The following MAP2 variants were observed in gnomAD, a reference collection of about 807,000 sequenced individuals.
MAP2 encodes microtubule associated protein 2.
A neutral mutation model predicts 137.6 loss-of-function variants in MAP2; 14 were observed. That is an observed-to-expected ratio of 0.10 (90% CI 0.07 to 0.16). The LOEUF is 0.16. MAP2 is among the 10% of genes least tolerant of loss of function. The probability of loss-of-function intolerance (pLI) is 1.00; values close to 1 mark genes in which losing one functional copy is unlikely to be tolerated. For missense variants in MAP2, 2,088 were observed against 2,191.5 expected (o/e 0.95, Z 0.94); for synonymous variants, 786 against 782.3 (o/e 1.00, Z -0.08).
Position 209,428,129 on chromosome 2 carries a change from A to C in MAP2, c.-222+3853A>C, listed in dbSNP as rs1294099560. 2.0e-5 allele frequency among the ~76,000 whole-genome samples: 3 copies of C among 152,208 alleles called. No individual in the cohort carries two copies. The East Asian group carries it at 5.8e-4, about 29-fold the overall frequency. On this transcript the variant is annotated intron_variant, in intron 1 of 15. Transcript: ENST00000682079. ...AAAATGATGTGAACACAATTAGATG[A>C]ATTTTTATGAAAAACACTTTGAATC...
At chr2:209,454,325 T>C (rs1701028091) in intron 1 of MAP2, among the ~76,000 whole-genome samples, 1 of 152,098 alleles carries the variant, frequency 6.6e-6, no homozygotes, top group Non-Finnish European at 1.5e-5. Context: ...CATCAATATA[T>C]TCACTGAATA....
At chr2:209,471,274 C>CAGGT (rs1355569750) in intron 1 of MAP2, among the ~76,000 whole-genome samples, 1 of 152,150 alleles carries the variant, frequency 6.6e-6, no homozygotes, top group Non-Finnish European at 1.5e-5. Context: ...CAAACTCCTT[C>CAGGT]AGGTTCTTTT....
intron 2 of MAP2, among the ~76,000 whole-genome samples, chr2:209,530,360 TTTGA>T (rs2064929408): frequency 6.6e-6 from 1 of 152,148 alleles, no homozygotes; most frequent in Non-Finnish European, 1.5e-5. Context: ...CCAACTAACA[TTTGA>T]GGATTCTTTT....
intron 2 of MAP2, among the ~76,000 whole-genome samples, chr2:209,553,247 G>A (rs981577464): frequency 1.3e-5 from 2 of 151,990 alleles, no homozygotes; most frequent in Non-Finnish European, 2.9e-5. Flanking sequence ...TCTTGACCTC[G>A]TGGTCCACCA....
intron 3 of MAP2, among the ~76,000 whole-genome samples, chr2:209,615,202 T>A (rs1176028334): frequency 2.6e-5 from 4 of 152,228 alleles, no homozygotes; most frequent in African/African-American, 7.2e-5. Flanking sequence ...CTCTGTCCCC[T>A]GTGTTCAGCC....
At chr2:209,682,057 G>A (rs552897247) in intron 7 of MAP2, among the ~76,000 whole-genome samples, 8 of 152,158 alleles carry the variant, frequency 5.3e-5, no homozygotes, top group Non-Finnish European at 8.8e-5. Flanking sequence ...ATTAGTTAAT[G>A]TGATTTAATC....
At chr2:209,692,485 T>C (rs569823835) in intron 7 of MAP2, 140 bp from the exon 8 acceptor site, 2 of 856,582 alleles carry the variant, frequency 2.3e-6, no homozygotes, top group East Asian at 5.5e-5. Flanking sequence ...TATTGACTTT[T>C]ACATGGGTAG....
In MAP2 at chr2:209,700,283, G is replaced by A. The variant is rs569403800; in HGVS notation, c.4529G>A (p.Gly1510Asp). 2 of 1,613,274 alleles carry A rather than the reference G, an allele frequency of 1.2e-6. No homozygotes were observed. The highest frequency in any genetic ancestry group is 1.7e-5 in the Admixed American group (1 of 59,968). ...TGTCTTTTATTTTCAACAGCAGCAG[G>A]TGGGGAATCAGCTCTGGCTCCCAGT... The part of the protein sequence containing the change: ...SCVKRKTTAA[G>D]GESALAPSVF... Residue 1510 changes from glycine to aspartate, a missense_variant, in exon 11 of 16, where the codon GGT becomes GAT. Physicochemically the swap from Gly to Asp is moderately conservative, Grantham distance 94. Coordinates refer to ENST00000682079, the MANE Select transcript of MAP2 (RefSeq NM_001375505.1).
At chr2:209,430,368 G>T (rs931637719) in intron 1 of MAP2, among the ~76,000 whole-genome samples, 6 of 151,710 alleles carry the variant, frequency 4.0e-5, no homozygotes, top group Admixed American at 3.9e-4. Flanking sequence ...GGTGGCAGTG[G>T]TGGTATTTGT....
intron 5 of MAP2, among the ~76,000 whole-genome samples, chr2:209,668,191 C>A (rs1028286391): frequency 6.6e-6 from 1 of 151,946 alleles, no homozygotes; most frequent in Non-Finnish European, 1.5e-5. Context: ...AGAGTGAGTT[C>A]TTTGGCAAGT....
At chr2:209,698,594 A>T (rs928862835) in intron 10 of MAP2, among the ~76,000 whole-genome samples, 1 of 152,188 alleles carries the variant, frequency 6.6e-6, no homozygotes, top group Non-Finnish European at 1.5e-5. Flanking sequence ...TCTAGAAATC[A>T]TATCATGTGC....
Position 209,660,825 on chromosome 2 carries a change from C to G in MAP2, c.262+7393C>G, listed in dbSNP as rs565658291. ...CTCGGCTCACTGCAAGCTCCGCCTCCCGGATTCACACCCATTCTCCTGCCT... is the reference window on the plus strand; with the variant it reads ...CTCGGCTCACTGCAAGCTCCGCCTCGCGGATTCACACCCATTCTCCTGCCT... On this transcript the variant is annotated intron_variant, in intron 5 of 15. Coordinates refer to ENST00000682079, the MANE Select transcript of MAP2 (RefSeq NM_001375505.1). 2.0e-5 allele frequency among the ~76,000 whole-genome samples: 3 copies of G among 149,994 alleles called. No individual in the cohort carries two copies. The South Asian group carries it at 6.3e-4, about 32-fold the overall frequency.
At chr2:209,554,680 G>C (rs2070089273) in intron 2 of MAP2, among the ~76,000 whole-genome samples, 1 of 151,966 alleles carries the variant, frequency 6.6e-6, no homozygotes, top group Admixed American at 6.6e-5. Context: ...AGCCTGGGAT[G>C]TTGAGGCTGC....
intron 1 of MAP2, among the ~76,000 whole-genome samples, chr2:209,503,327 C>T (rs1392912467): frequency 6.6e-6 from 1 of 151,994 alleles, no homozygotes; most frequent in African/African-American, 2.4e-5. Flanking sequence ...AACCCCTTAT[C>T]AGATATATGG....
At chr2:209,520,876 G>A (rs943388419) in intron 2 of MAP2, among the ~76,000 whole-genome samples, 5 of 151,990 alleles carry the variant, frequency 3.3e-5, no homozygotes, top group African/African-American at 9.7e-5. Flanking sequence ...CCCATCTCAT[G>A]CAGTAATTTT....
intron 1 of MAP2, among the ~76,000 whole-genome samples, chr2:209,500,044 T>C (rs933226207): frequency 3.9e-5 from 6 of 152,200 alleles, no homozygotes; most frequent in Non-Finnish European, 8.8e-5. Flanking sequence ...CTCCTTTATA[T>C]GGACACTGTC....
chr2:209,543,773 A>G (rs2067464616), intron 2 of MAP2, among the ~76,000 whole-genome samples: 2 of 152,314 alleles, frequency 1.3e-5, no homozygotes, highest in Non-Finnish European at 2.9e-5. Flanking sequence ...TTTCCTTTCA[A>G]TGTACTTCTC....
intron 3 of MAP2, among the ~76,000 whole-genome samples, chr2:209,617,344 C>G (rs2089831059): frequency 6.6e-6 from 1 of 152,142 alleles, no homozygotes; most frequent in South Asian, 2.1e-4. Flanking sequence ...CAAGAGGCAT[C>G]AAGTGTAGGT....
At chr2:209,722,490 G>A (rs915965336) in intron 13 of MAP2, among the ~76,000 whole-genome samples, 1 of 152,140 alleles carries the variant, frequency 6.6e-6, no homozygotes, top group African/African-American at 2.4e-5. Context: ...AGAGGATAAA[G>A]TGTCCCCTAA....
Sources: gnomAD v4.1 joint callset for allele counts (sites outside exome capture counted in the v4.1 genomes callset) on GRCh38, gnomAD v4.1.1 for gene constraint, MANE v1.5 for transcripts, NCBI Gene and HGNC (gene_info 2026-07-23, HGNC 2026-07-21) for gene names.